Variants in RGPD2 observed in about 807,000 individuals in gnomAD.
RGPD2 encodes the protein RANBP2 like and GRIP domain containing 2, also known as RANBP2-like and GRIP domain-containing protein 2.
RGPD2 carries 2 observed loss-of-function variants against 36.0 expected under a neutral mutation model. The ratio of observed to expected loss-of-function variants is 0.06; its 90% confidence interval spans 0.02 to 0.17. The LOEUF (loss-of-function observed/expected upper bound fraction) is 0.17. Ranked by LOEUF, RGPD2 falls within the 10% of genes least tolerant of loss-of-function variation. RGPD2 has a pLI of 1.00. For synonymous variants in RGPD2, 19 were observed against 163.8 expected, an observed-to-expected ratio of 0.12 and a Z score of 6.75; for missense variants, 40 against 464.3, an observed-to-expected ratio of 0.09 and a Z score of 8.40.
chr2:87,781,461 T>G (rs1366554212), intron 20 of RGPD2, among the ~76,000 whole-genome samples: 11 of 138,956 alleles, frequency 7.9e-5, no homozygotes, highest in Non-Finnish European at 1.4e-4. Context: ...TTTTTGTTTT[T>G]TTGTTTTTTT....
chr2:87,840,320 G>A, the RGPD2 span, among the ~76,000 whole-genome samples: 1 of 132,414 alleles, frequency 7.6e-6, no homozygotes, highest in African/African-American at 2.9e-5. Context: ...AGGCAAGAAA[G>A]AATATTTTGA....
the RGPD2 span, among the ~76,000 whole-genome samples, chr2:87,924,654 C>T: frequency 6.6e-6 from 1 of 151,244 alleles, no homozygotes; most frequent in Admixed American, 6.6e-5. Flanking sequence ...CTGGCAACTA[C>T]CTTGTCTGCT....
At chr2:87,839,988 A>G in the RGPD2 span, among the ~76,000 whole-genome samples, 2 of 151,334 alleles carry the variant, frequency 1.3e-5, no homozygotes, top group Admixed American at 6.6e-5. Context: ...TAACTGACCA[A>G]TGAAGAAATA....
chr2:87,852,763 T>C, the RGPD2 span, among the ~76,000 whole-genome samples: 1 of 152,304 alleles, frequency 6.6e-6, no homozygotes. Flanking sequence ...AAGTCTCTGA[T>C]GGCATGTCAC....
chr2:87,894,604 C>T, the RGPD2 span, among the ~76,000 whole-genome samples: 2 of 152,018 alleles, frequency 1.3e-5, no homozygotes, highest in South Asian at 2.1e-4. Context: ...ATATAACCTG[C>T]GAGGAAACAG....
chr2:87,986,153 T>TTTG, the RGPD2 span, among the ~76,000 whole-genome samples: 1 of 140,812 alleles, frequency 7.1e-6, no homozygotes, highest in Non-Finnish European at 1.6e-5. Flanking sequence ...TTTTTTTTTT[T>TTTG]GAGAGAGTGT....
chr2:87,897,619 T>C, the RGPD2 span, among the ~76,000 whole-genome samples: 1 of 151,086 alleles, frequency 6.6e-6, no homozygotes, highest in African/African-American at 2.4e-5. Context: ...CCTAAAACTC[T>C]CTCCCCCAAC....
intron 21 of RGPD2, among the ~76,000 whole-genome samples, chr2:87,773,693 C>CAA (rs1305018424): frequency 0.17 from 422 of 2,522 alleles, no homozygotes; most frequent in South Asian, 0.33. Flanking sequence ...AAGACTATCT[C>CAA]AAAAAAAAAA....
chr2:87,988,541 A>ATATATATATTTTTTT, the RGPD2 span, among the ~76,000 whole-genome samples: 1 of 54,140 alleles, frequency 1.8e-5, no homozygotes, highest in Non-Finnish European at 4.2e-5. Flanking sequence ...ATATATATAT[A>ATATATATATTTTTTT]TTTTTTTTTT....
At chr2:87,827,113 C>CTGTATACCTA (rs1686832971), upstream of RGPD2, among the ~76,000 whole-genome samples, 1 of 151,808 alleles carries the variant, frequency 6.6e-6, no homozygotes, top group African/African-American at 2.4e-5. Flanking sequence ...TCTAATTTAT[C>CTGTATACCTA]TGTATACCTA....
At chr2:87,936,292 T>C in the RGPD2 span, among the ~76,000 whole-genome samples, 1 of 151,634 alleles carries the variant, frequency 6.6e-6, no homozygotes, top group Non-Finnish European at 1.5e-5. Context: ...GAGCGCAGAG[T>C]TGCACAGAAC....
chr2:87,825,448 C>CAGGCCG (rs1302592551), intron 1 of RGPD2, among the ~76,000 whole-genome samples: 2 of 109,186 alleles, frequency 1.8e-5, no homozygotes, highest in Admixed American at 9.3e-5. Context: ...GCCGCCCGGC[C>CAGGCCG]AGGCCGAGGC....
the RGPD2 span, among the ~76,000 whole-genome samples, chr2:87,976,360 C>T: frequency 5.3e-5 from 8 of 151,982 alleles, no homozygotes; most frequent in Non-Finnish European, 7.4e-5. Context: ...TGAAAAAAAT[C>T]ATGAAAAGGG....
the RGPD2 span, among the ~76,000 whole-genome samples, chr2:87,933,508 CAAAT>C: frequency 6.7e-6 from 1 of 148,734 alleles, no homozygotes; most frequent in African/African-American, 2.5e-5. Flanking sequence ...AATCAGTAGA[CAAAT>C]AAAGAAAAAT....
At chr2:87,955,170 A>G in the RGPD2 span, among the ~76,000 whole-genome samples, 1 of 100,824 alleles carries the variant, frequency 9.9e-6, no homozygotes, top group African/African-American at 3.9e-5. Flanking sequence ...CCCCGCCACA[A>G]TGCCCGGCTA....
the RGPD2 span, among the ~76,000 whole-genome samples, chr2:87,980,170 G>C: frequency 2.0e-5 from 3 of 151,786 alleles, no homozygotes; most frequent in African/African-American, 7.2e-5. Flanking sequence ...GGCCAACATG[G>C]TGAAACCCTG....
the RGPD2 span, among the ~76,000 whole-genome samples, chr2:87,839,719 A>G: frequency 2.6e-5 from 4 of 152,072 alleles, no homozygotes; most frequent in Non-Finnish European, 1.5e-5. Flanking sequence ...AAGTTACACA[A>G]TGAGTACACG....
chr2:87,956,438 T>G, the RGPD2 span, among the ~76,000 whole-genome samples: 1 of 149,262 alleles, frequency 6.7e-6, no homozygotes, highest in East Asian at 2.0e-4. Flanking sequence ...CGCACGTGCG[T>G]GTGTGTCTAC....
At chr2:87,841,990 C>T in the RGPD2 span, among the ~76,000 whole-genome samples, 59 of 144,542 alleles carry the variant, frequency 4.1e-4, no homozygotes, top group African/African-American at 1.4e-3. Flanking sequence ...GCAGAAAAGG[C>T]CTTTGACAAA....
Sources: gnomAD v4.1 joint callset for allele counts (sites outside exome capture counted in the v4.1 genomes callset) on GRCh38, gnomAD v4.1.1 for gene constraint, MANE v1.5 for transcripts, NCBI Gene and HGNC (gene_info 2026-07-23, HGNC 2026-07-21) for gene names.